Variants in NBAS observed in about 807,000 individuals in gnomAD.
NBAS encodes the protein NBAS subunit of NRZ tethering complex, also known as NAG/BC035112 fusion.
NBAS carries 219 observed loss-of-function variants against 302.5 expected under a neutral mutation model. That is an observed-to-expected ratio of 0.72 (90% CI 0.65 to 0.81). The LOEUF (loss-of-function observed/expected upper bound fraction) is 0.81, where lower values mean the gene tolerates loss of function less well. Among genes scored for constraint, NBAS ranks in the 30% least tolerant of loss-of-function variants. The pLI is 0.00. For missense variants in NBAS, 2,932 were observed against 2,841.6 expected (o/e 1.03, Z -0.72); for synonymous variants, 1,118 against 1,021.6 (o/e 1.09, Z -1.80).
chr2:15,188,505 T>C (rs1347682875), intron 49 of NBAS, among the ~76,000 whole-genome samples: 2 of 152,208 alleles, frequency 1.3e-5, no homozygotes, highest in Non-Finnish European at 2.9e-5. Flanking sequence ...TGGTTATCTC[T>C]TAGGCAGAGG....
intron 36 of NBAS, 64 bp from the exon 37 acceptor site, chr2:15,328,376 G>T: frequency 7.4e-7 from 1 of 1,354,788 alleles, no homozygotes; most frequent in Non-Finnish European, 1.1e-6. Context: ...GGTAGAAGAA[G>T]TAAAAGCAAG....
At chr2:15,438,101 T>C (rs1678122587) in intron 21 of NBAS, among the ~76,000 whole-genome samples, 1 of 152,256 alleles carries the variant, frequency 6.6e-6, no homozygotes, top group Non-Finnish European at 1.5e-5. Flanking sequence ...TTGTTCGCAG[T>C]AATGAAAAGT....
intron 31 of NBAS, among the ~76,000 whole-genome samples, chr2:15,367,091 C>T (rs890464633): frequency 6.6e-6 from 1 of 152,166 alleles, no homozygotes; most frequent in African/African-American, 2.4e-5. Context: ...CCATTCCTTG[C>T]TCTAAATATA....
the NBAS span, among the ~76,000 whole-genome samples, chr2:14,998,572 T>C: frequency 2.4e-3 from 363 of 152,304 alleles, 3 homozygotes; most frequent in African/African-American, 8.2e-3. Flanking sequence ...AATGTACAAA[T>C]TGGGGGAAAC....
At position 15,458,473 on chromosome 2, in the gene NBAS, CAGTT is replaced by C. The variant is rs1281121351; in HGVS notation, c.2339+2724_2339+2727del. Among the ~76,000 whole-genome samples the C allele has an allele frequency of 3.3e-5, 5 of 152,110 alleles. No individual in the cohort carries two copies. The South Asian group carries it at 8.3e-4, about 25-fold the overall frequency. On this transcript the variant is annotated intron_variant, in intron 21 of 51. Coordinates refer to ENST00000281513, the MANE Select transcript of NBAS (RefSeq NM_015909.4). ...CCTTGGTGATAAGTGAGTTCTCACT[CAGTT>C]AGTTCCAGTTGTTTAAGAGTCTGGG...
At chr2:15,144,984 A>G in the NBAS span, among the ~76,000 whole-genome samples, 1 of 151,344 alleles carries the variant, frequency 6.6e-6, no homozygotes, top group Admixed American at 6.6e-5. Context: ...TAAGCTTTCC[A>G]TGAGGTTAAG....
chr2:15,487,189 G>A (rs1044984554), intron 12 of NBAS, among the ~76,000 whole-genome samples: 1 of 152,150 alleles, frequency 6.6e-6, no homozygotes, highest in Admixed American at 6.5e-5. Flanking sequence ...CAAATACAGA[G>A]AGAACATCAG....
intron 51 of NBAS, among the ~76,000 whole-genome samples, chr2:15,173,605 C>A (rs1385771278): frequency 6.6e-6 from 1 of 152,224 alleles, no homozygotes; most frequent in Non-Finnish European, 1.5e-5. Flanking sequence ...ATATGATATG[C>A]AGTTTCCATT....
At chr2:15,479,949 T>C (rs1004608383) in intron 12 of NBAS, among the ~76,000 whole-genome samples, 1 of 152,212 alleles carries the variant, frequency 6.6e-6, no homozygotes, top group Admixed American at 6.5e-5. Flanking sequence ...TGAATTCTAA[T>C]TACAATTCAA....
intron 11 of NBAS, among the ~76,000 whole-genome samples, chr2:15,503,771 T>G (rs1304108118): frequency 1.3e-5 from 2 of 152,064 alleles, no homozygotes; most frequent in Admixed American, 1.3e-4. Context: ...TTTTTTAATA[T>G]TAAGCCAAAA....
chr2:15,450,780 T>A (rs892483191), intron 21 of NBAS, among the ~76,000 whole-genome samples: 2 of 152,214 alleles, frequency 1.3e-5, no homozygotes, highest in Non-Finnish European at 2.9e-5. Context: ...TTTAAACTTA[T>A]TTTTCTTTTT....
At chr2:15,133,502 C>CA in the NBAS span, among the ~76,000 whole-genome samples, 1 of 152,110 alleles carries the variant, frequency 6.6e-6, no homozygotes, top group African/African-American at 2.4e-5. Flanking sequence ...AGAAATTCAG[C>CA]AATCTAGTAA....
At chr2:14,806,787 C>T in the NBAS span, among the ~76,000 whole-genome samples, 83 of 152,338 alleles carry the variant, frequency 5.4e-4, no homozygotes, top group African/African-American at 1.9e-3. Context: ...GAGCAACGCT[C>T]ATAAATAACC....
intron 11 of NBAS, among the ~76,000 whole-genome samples, chr2:15,491,893 G>C (rs988958361): frequency 6.6e-6 from 1 of 152,106 alleles, no homozygotes; most frequent in African/African-American, 2.4e-5. Flanking sequence ...CCTCATCTAT[G>C]AATCTAAGAA....
At chr2:14,788,221 G>A in the NBAS span, among the ~76,000 whole-genome samples, 20 of 152,106 alleles carry the variant, frequency 1.3e-4, no homozygotes, top group African/African-American at 4.3e-4. Flanking sequence ...TTATACATTC[G>A]TCTAAATTTT....
chr2:14,933,298 G>A, the NBAS span, among the ~76,000 whole-genome samples: 1 of 152,122 alleles, frequency 6.6e-6, no homozygotes, highest in African/African-American at 2.4e-5. Flanking sequence ...ATTTTGTGTG[G>A]AAATTTACCC....
the NBAS span, among the ~76,000 whole-genome samples, chr2:15,159,519 G>A: frequency 1.3e-5 from 2 of 152,022 alleles, no homozygotes; most frequent in South Asian, 4.2e-4. Flanking sequence ...CATAAAAGAA[G>A]AAATACTGTA....
intron 44 of NBAS, among the ~76,000 whole-genome samples, chr2:15,251,462 A>AAAAC (rs553447025): frequency 2.6e-5 from 4 of 152,174 alleles, no homozygotes; most frequent in Non-Finnish European, 5.9e-5. Flanking sequence ...ATAATAATAA[A>AAAAC]AAACAAACAA....
At chr2:15,164,361 A>G (rs1186999642), downstream of NBAS, among the ~76,000 whole-genome samples, 1 of 152,262 alleles carries the variant, frequency 6.6e-6, no homozygotes, top group South Asian at 2.1e-4. Context: ...CAAGGGTTAC[A>G]TACCTGGGTT....
Sources: gnomAD v4.1 joint callset for allele counts (sites outside exome capture counted in the v4.1 genomes callset) on GRCh38, gnomAD v4.1.1 for gene constraint, MANE v1.5 for transcripts, NCBI Gene and HGNC (gene_info 2026-07-23, HGNC 2026-07-21) for gene names.